SDK1: variants seen among roughly 807,000 people sequenced by gnomAD.
SDK1 encodes protein sidekick-1.
A neutral mutation model predicts 245.5 loss-of-function variants in SDK1; 157 were observed. That is an observed-to-expected ratio of 0.64 (90% CI 0.56 to 0.73). SDK1 has a LOEUF of 0.73. Among genes scored for constraint, SDK1 ranks in the 30% least tolerant of loss-of-function variants. The pLI, the probability that SDK1 is intolerant of heterozygous loss-of-function variation, is 0.00. For missense variants in SDK1, 3,583 were observed against 3,002.3 expected, an observed-to-expected ratio of 1.19 and a Z score of -4.52; for synonymous variants, 1,647 against 1,278.5, an observed-to-expected ratio of 1.29 and a Z score of -6.15.
intron 1 of SDK1, among the ~76,000 whole-genome samples, chr7:3,380,059 G>C (rs1427415461): frequency 6.6e-6 from 1 of 152,278 alleles, no homozygotes; most frequent in Non-Finnish European, 1.5e-5. Flanking sequence ...TGAGAGGTGA[G>C]ATGACAAATG....
At chr7:3,562,517 A>G (rs1400751177) in intron 1 of SDK1, among the ~76,000 whole-genome samples, 1 of 152,226 alleles carries the variant, frequency 6.6e-6, no homozygotes, top group East Asian at 1.9e-4. Flanking sequence ...ACCCCTTGGG[A>G]GACTGAAGTG....
At chr7:4,165,161 C>G (rs966382698) in intron 32 of SDK1, among the ~76,000 whole-genome samples, 1 of 152,000 alleles carries the variant, frequency 6.6e-6, no homozygotes, top group Non-Finnish European at 1.5e-5. Flanking sequence ...GAGTTCAAGA[C>G]CAGCCTGGCC....
intron 1 of SDK1, among the ~76,000 whole-genome samples, chr7:3,579,028 A>G (rs945379377): frequency 6.6e-6 from 1 of 151,942 alleles, no homozygotes; most frequent in African/African-American, 2.4e-5. Context: ...TTCACAATTT[A>G]TGTTCCTCTG....
At chr7:3,424,581 A>G (rs760791082) in intron 1 of SDK1, among the ~76,000 whole-genome samples, 13 of 152,136 alleles carry the variant, frequency 8.5e-5, no homozygotes, top group East Asian at 3.8e-4. Context: ...TTGATGCACA[A>G]TTTAGTTTTC....
At chr7:3,492,532 G>A (rs981420652) in intron 1 of SDK1, among the ~76,000 whole-genome samples, 2 of 152,160 alleles carry the variant, frequency 1.3e-5, no homozygotes, top group Admixed American at 1.3e-4. Flanking sequence ...AAAACCTGAC[G>A]GATGTCAGTG....
intron 29 of SDK1, among the ~76,000 whole-genome samples, chr7:4,146,988 C>T (rs60402144): frequency 0.012 from 1,823 of 152,312 alleles, 46 homozygotes; most frequent in African/African-American, 0.042. Flanking sequence ...TCTCAGTGGG[C>T]TCCGCGCATG....
intron 1 of SDK1, among the ~76,000 whole-genome samples, chr7:3,544,464 C>T (rs1334228458): frequency 9.2e-5 from 14 of 152,292 alleles, no homozygotes; most frequent in South Asian, 2.1e-4. Flanking sequence ...AAATGAGGGG[C>T]GAAGTCTTTC....
chr7:4,153,872 G>T (rs975316826), intron 30 of SDK1, among the ~76,000 whole-genome samples: 1 of 151,642 alleles, frequency 6.6e-6, no homozygotes, highest in African/African-American at 2.4e-5. Context: ...TTAGAAATGG[G>T]GTCTCACTAT....
intron 19 of SDK1, among the ~76,000 whole-genome samples, chr7:4,061,742 A>C (rs1779553704): frequency 6.6e-6 from 1 of 152,152 alleles, no homozygotes; most frequent in Non-Finnish European, 1.5e-5. Flanking sequence ...CAAATGTCCA[A>C]CAATGATAGA....
intron 35 of SDK1, among the ~76,000 whole-genome samples, chr7:4,180,701 C>T (rs978816826): frequency 1.3e-5 from 2 of 152,204 alleles, no homozygotes; most frequent in Admixed American, 1.3e-4. Flanking sequence ...GCTTCTGGGG[C>T]GGCCTCAGGA....
chr7:3,897,391 A>G (rs899346883), intron 5 of SDK1, among the ~76,000 whole-genome samples: 1 of 151,992 alleles, frequency 6.6e-6, no homozygotes, highest in Non-Finnish European at 1.5e-5. Flanking sequence ...GGCACCCACC[A>G]TTGTACTTCC....
At chr7:4,183,559 G>A (rs975304554) in intron 35 of SDK1, among the ~76,000 whole-genome samples, 5 of 151,182 alleles carry the variant, frequency 3.3e-5, no homozygotes, top group East Asian at 1.9e-4. Flanking sequence ...CGCTTGAACC[G>A]GAACCCGGGA....
intron 22 of SDK1, among the ~76,000 whole-genome samples, chr7:4,088,273 T>G (rs145400400): frequency 1.7e-4 from 26 of 152,380 alleles, no homozygotes; most frequent in African/African-American, 6.3e-4. Flanking sequence ...TGGCGACAGT[T>G]TTTGTTTCTT....
At chr7:4,261,961 C>T (rs1421447120) in intron 44 of SDK1, among the ~76,000 whole-genome samples, 4 of 149,848 alleles carry the variant, frequency 2.7e-5, no homozygotes, top group African/African-American at 4.9e-5. Flanking sequence ...TCAGCAAAAC[C>T]GAGAAACCTC....
intron 5 of SDK1, among the ~76,000 whole-genome samples, chr7:3,874,268 G>C (rs368066013): frequency 6.6e-6 from 1 of 152,180 alleles, no homozygotes; most frequent in Non-Finnish European, 1.5e-5. Context: ...ACTTGTCTCC[G>C]TATCTGCTCC....
intron 4 of SDK1, among the ~76,000 whole-genome samples, chr7:3,705,423 GTGATTTTATT>G (rs1181191413): frequency 2.4e-5 from 3 of 123,340 alleles, no homozygotes; most frequent in East Asian, 2.4e-4. Flanking sequence ...TATATTCCTA[GTGATTTTATT>G]TTATTTTATT....
At chr7:3,689,767 GTTA>G (rs1414047478) in intron 4 of SDK1, among the ~76,000 whole-genome samples, 4 of 152,280 alleles carry the variant, frequency 2.6e-5, no homozygotes, top group East Asian at 3.9e-4. Flanking sequence ...ATAATTGGAA[GTTA>G]TTATTTTTAT....
chr7:3,838,433 G>A (rs1780075456), intron 5 of SDK1, among the ~76,000 whole-genome samples: 1 of 152,236 alleles, frequency 6.6e-6, no homozygotes, highest in Admixed American at 6.5e-5. Context: ...TAAAGGTTGA[G>A]TAAGAGGCAG....
At chr7:4,132,290 C>A in intron 27 of SDK1, 35 bp from the exon 28 acceptor site, 1 of 1,543,176 alleles carries the variant, frequency 6.5e-7, no homozygotes, top group Non-Finnish European at 8.9e-7. Flanking sequence ...GGAACACTGT[C>A]TTGAGATCTG....
Sources: allele counts gnomAD v4.1 joint callset (sites outside exome capture counted in the v4.1 genomes callset), GRCh38; gene constraint gnomAD v4.1.1; transcripts MANE v1.5; gene names NCBI Gene and HGNC (gene_info 2026-07-23, HGNC 2026-07-21).